The following MMP16 variants were observed in gnomAD, a reference collection of about 807,000 sequenced individuals.
MMP16 encodes the protein matrix metallopeptidase 16.
In MMP16, 12 loss-of-function variants were observed where a neutral mutation model predicts 67.8. The observed-to-expected ratio is 0.18, with a 90% CI of 0.11 to 0.29. The LOEUF is 0.29. Ranked by LOEUF, MMP16 falls within the 10% of genes least tolerant of loss-of-function variation. MMP16 has a pLI of 1.00. For synonymous variants in MMP16, 249 were observed against 255.9 expected (o/e 0.97, Z 0.26); for missense variants, 475 against 765.7 (o/e 0.62, Z 4.48).
intron 3 of MMP16, among the ~76,000 whole-genome samples, chr8:88,177,751 C>A (rs1476105826): frequency 6.6e-6 from 1 of 152,100 alleles, no homozygotes; most frequent in African/African-American, 2.4e-5. Context: ...TCGTATATTA[C>A]ATAAACGAAG....
At chr8:88,221,313 G>C (rs999960584) in intron 1 of MMP16, among the ~76,000 whole-genome samples, 2 of 152,186 alleles carry the variant, frequency 1.3e-5, no homozygotes, top group Admixed American at 6.6e-5. Context: ...AAATCTGAAA[G>C]TACAGATTAC....
At chr8:88,136,586 G>A (rs575972499) in intron 4 of MMP16, among the ~76,000 whole-genome samples, 1 of 150,038 alleles carries the variant, frequency 6.7e-6, no homozygotes, top group Non-Finnish European at 1.5e-5. Context: ...CACAGATTAG[G>A]GTGCTCATTT....
At chr8:88,217,573 A>C (rs1266045652) in intron 1 of MMP16, among the ~76,000 whole-genome samples, 1 of 151,904 alleles carries the variant, frequency 6.6e-6, no homozygotes, top group Admixed American at 6.6e-5. Context: ...CATCATCTTA[A>C]ACCTACTCAG....
chr8:88,120,428 A>C (rs1807805585), intron 4 of MMP16, among the ~76,000 whole-genome samples: 1 of 151,964 alleles, frequency 6.6e-6, no homozygotes, highest in Non-Finnish European at 1.5e-5. Context: ...TTAAAATACA[A>C]ATCTGATAAC....
chr8:88,166,688 CAT>C (rs1166566212), intron 4 of MMP16, among the ~76,000 whole-genome samples: 4,550 of 57,996 alleles, frequency 0.078, 118 homozygotes, highest in East Asian at 0.13. Flanking sequence ...CAAAAAATTA[CAT>C]ATATATATAT....
chr8:88,178,220 G>C (rs551001243), intron 3 of MMP16, among the ~76,000 whole-genome samples: 2 of 152,242 alleles, frequency 1.3e-5, no homozygotes, highest in African/African-American at 4.8e-5. Flanking sequence ...AAGAGATAAA[G>C]CAAGCAACAG....
intron 6 of MMP16, among the ~76,000 whole-genome samples, chr8:88,075,604 GA>G (rs1808634809): frequency 6.6e-6 from 1 of 152,154 alleles, no homozygotes; most frequent in African/African-American, 2.4e-5. Flanking sequence ...GTTTTCCATT[GA>G]AAATTTGAAA....
intron 4 of MMP16, among the ~76,000 whole-genome samples, chr8:88,141,577 A>T (rs1305423311): frequency 2.0e-5 from 3 of 152,196 alleles, no homozygotes; most frequent in Admixed American, 1.3e-4. Flanking sequence ...TCATCTGTAA[A>T]GTTAAGATAA....
At chr8:88,226,847 A>G (rs1178608915) in intron 1 of MMP16, among the ~76,000 whole-genome samples, 6 of 151,376 alleles carry the variant, frequency 4.0e-5, no homozygotes. Context: ...TTCCTATTAA[A>G]TGTTAATGAA....
At chr8:88,050,759 C>T (rs921718755) in intron 8 of MMP16, among the ~76,000 whole-genome samples, 2 of 152,168 alleles carry the variant, frequency 1.3e-5, no homozygotes, top group Admixed American at 6.5e-5. Context: ...TCAATGCTGT[C>T]GTTCAAACAA....
At chr8:88,069,556 G>A in intron 7 of MMP16, 1 of 478,542 alleles carries the variant, frequency 2.1e-6, no homozygotes, top group Non-Finnish European at 4.1e-6. Context: ...TGTCCAGTAT[G>A]ATGAAGAAAG....
chr8:88,114,808 G>A (rs1201681640), intron 6 of MMP16, among the ~76,000 whole-genome samples: 4 of 151,984 alleles, frequency 2.6e-5, no homozygotes, highest in Admixed American at 2.0e-4. Context: ...AGAGTTTAAG[G>A]AAGCAGGCCT....
intron 4 of MMP16, among the ~76,000 whole-genome samples, chr8:88,149,117 C>T (rs1230994844): frequency 6.6e-6 from 1 of 152,196 alleles, no homozygotes; most frequent in Admixed American, 6.5e-5. Context: ...CCTGGAAAAT[C>T]GGGTCACTCC....
chr8:88,305,037 C>T (rs1811192058), intron 1 of MMP16, among the ~76,000 whole-genome samples: 1 of 152,108 alleles, frequency 6.6e-6, no homozygotes, highest in Non-Finnish European at 1.5e-5. Flanking sequence ...CACTGGCATG[C>T]TGTATTCAAC....
intron 1 of MMP16, among the ~76,000 whole-genome samples, chr8:88,270,372 A>G (rs1342542935): frequency 6.6e-6 from 1 of 152,232 alleles, no homozygotes; most frequent in Non-Finnish European, 1.5e-5. Flanking sequence ...GAGAATAAGT[A>G]ACTGGTACAG....
At chr8:88,102,515 A>C (rs1011944559) in intron 6 of MMP16, among the ~76,000 whole-genome samples, 3 of 151,784 alleles carry the variant, frequency 2.0e-5, no homozygotes, top group Middle Eastern at 6.8e-3. Context: ...AACCCTGTCC[A>C]TTTTGGTTTT....
At chr8:88,132,502 T>C (rs1157965671) in intron 4 of MMP16, among the ~76,000 whole-genome samples, 1 of 151,842 alleles carries the variant, frequency 6.6e-6, no homozygotes, top group African/African-American at 2.4e-5. Flanking sequence ...AAAGCCCAAT[T>C]AGGACGTGTT....
At chr8:88,260,624 C>T (rs893290682) in intron 1 of MMP16, among the ~76,000 whole-genome samples, 6 of 151,972 alleles carry the variant, frequency 3.9e-5, no homozygotes, top group Admixed American at 1.3e-4. Context: ...GAAATGATCT[C>T]TTCTACTTCT....
intron 1 of MMP16, among the ~76,000 whole-genome samples, chr8:88,217,929 A>G (rs1014380693): frequency 2.6e-5 from 4 of 152,038 alleles, no homozygotes; most frequent in Admixed American, 6.6e-5. Context: ...CTCAATTTCC[A>G]TCACACAGAA....
Sources: allele counts gnomAD v4.1 joint callset (sites outside exome capture counted in the v4.1 genomes callset), GRCh38; gene constraint gnomAD v4.1.1; transcripts MANE v1.5; gene names NCBI Gene and HGNC (gene_info 2026-07-23, HGNC 2026-07-21).